The following TIAM1 variants were observed in gnomAD, a reference collection of about 807,000 sequenced individuals.
The protein encoded by TIAM1 is TIAM Rac1 associated GEF 1.
TIAM1 carries 65 observed loss-of-function variants against 163.5 expected under a neutral mutation model. The observed-to-expected ratio is 0.40, with a 90% CI of 0.33 to 0.49. The LOEUF is 0.49. Ranked by LOEUF, TIAM1 falls within the 20% of genes least tolerant of loss-of-function variation. The pLI is 0.77. For synonymous variants in TIAM1, 833 were observed against 810.1 expected, an observed-to-expected ratio of 1.03 and a Z score of -0.48; for missense variants, 1,789 against 2,044.7, an observed-to-expected ratio of 0.87 and a Z score of 2.41.
At chr21:31,180,660 T>C (rs1305234846) in intron 15 of TIAM1, among the ~76,000 whole-genome samples, 1 of 152,250 alleles carries the variant, frequency 6.6e-6, no homozygotes, top group African/African-American at 2.4e-5. Context: ...TCTAACATAA[T>C]ATGTCTCATT....
rs953262477 is a variant in TIAM1 at position 31,119,526 on chromosome 21, G to A, written c.*842C>T. 2.0e-5 allele frequency: 3 copies of A among 152,090 alleles called. No individual in the cohort carries two copies. The highest frequency in any genetic ancestry group is 1.3e-4 in the Admixed American group (2 of 15,248). The allele number at this position is 152,090 out of a possible 1,614,324, so 9.4% of individuals were successfully genotyped here. A position where few individuals can be genotyped will look rare whatever the true frequency, so the allele number is the denominator to read the frequency against. Reference sequence around the variant, plus strand: ...AGTATATCCTTCGCATGAGCTTGCTGGCCTTTCATATATAAATATAAAACC... The same window carrying A: ...AGTATATCCTTCGCATGAGCTTGCTAGCCTTTCATATATAAATATAAAACC... On this transcript the variant is annotated 3_prime_UTR_variant, in exon 28 of 28. Transcript: ENST00000541036.
intron 2 of TIAM1, among the ~76,000 whole-genome samples, chr21:31,448,734 A>T (rs1029221943): frequency 1.3e-5 from 2 of 151,938 alleles, no homozygotes; most frequent in Non-Finnish European, 2.9e-5. Flanking sequence ...CTTCCCTGTC[A>T]CTCAAGACTC....
At chr21:31,387,552 A>G (rs2076896301) in intron 2 of TIAM1, among the ~76,000 whole-genome samples, 1 of 151,884 alleles carries the variant, frequency 6.6e-6, no homozygotes, top group African/African-American at 2.4e-5. Flanking sequence ...GATGGTGTGC[A>G]GGGACACTGT....
At chr21:31,176,407 GA>G (rs1251448962) in intron 15 of TIAM1, among the ~76,000 whole-genome samples, 1 of 151,610 alleles carries the variant, frequency 6.6e-6, no homozygotes, top group Non-Finnish European at 1.5e-5. Flanking sequence ...CAATATGTAT[GA>G]AAACAAATGC....
intron 4 of TIAM1, among the ~76,000 whole-genome samples, chr21:31,264,834 C>T (rs970846245): frequency 6.6e-6 from 1 of 152,204 alleles, no homozygotes; most frequent in Non-Finnish European, 1.5e-5. Context: ...GCTGGTCAAC[C>T]TTGAGGCTGC....
At chr21:31,223,313 G>T (rs1279089899) in intron 8 of TIAM1, 93 bp downstream of exon 8, 2 of 1,377,900 alleles carry the variant, frequency 1.5e-6, no homozygotes, top group Non-Finnish European at 2.0e-6. Context: ...ACAGCAGGAA[G>T]CTCGAAAAAC....
intron 4 of TIAM1, among the ~76,000 whole-genome samples, chr21:31,264,574 C>T (rs775552519): frequency 2.0e-5 from 3 of 152,226 alleles, no homozygotes; most frequent in Non-Finnish European, 4.4e-5. Flanking sequence ...GGTAAGAAGA[C>T]GTGGAGCCAA....
chr21:31,512,094 T>G (rs1296146501), intron 1 of TIAM1, among the ~76,000 whole-genome samples: 1 of 152,120 alleles, frequency 6.6e-6, no homozygotes, highest in Non-Finnish European at 1.5e-5. Context: ...CAATTTATTT[T>G]ATTTGTTTAT....
In TIAM1 at chr21:31,160,014, C is replaced by T. The variant is rs2083828475; in HGVS notation, c.2991+4948G>A. On this transcript the variant is annotated intron_variant, in intron 16 of 27. Coordinates refer to ENST00000541036, the MANE Select transcript of TIAM1 (RefSeq NM_001353694.2). ...TATAAAAGGAAACAAGTTGAACATC[C>T]TATTTCCAGACCTCCCTGCCGATCA... Among the ~76,000 whole-genome samples the T allele has an allele frequency of 2.0e-5, 3 of 152,148 alleles. No individual in the cohort carries two copies. The South Asian group carries it at 6.2e-4, about 32-fold the overall frequency.
chr21:31,215,477 C>T lies in TIAM1; in HGVS notation c.2143-2005G>A, dbSNP rs1013447217. ...TCAGGAGGTTGAGGCAAGAGAATCA[C>T]TTGAACCCAGGAGGCGGAGATTGCA... On this transcript the variant is annotated intron_variant, in intron 9 of 27. Transcript: ENST00000541036. Among the ~76,000 whole-genome samples the T allele has an allele frequency of 4.0e-5, 6 of 148,544 alleles. No individual in the cohort carries two copies. The Admixed American group carries it at 4.1e-4, about 10-fold the overall frequency.
At chr21:31,177,860 C>G (rs948741667) in intron 15 of TIAM1, among the ~76,000 whole-genome samples, 1 of 152,184 alleles carries the variant, frequency 6.6e-6, no homozygotes, top group African/African-American at 2.4e-5. Context: ...CCTCCAGCAG[C>G]CAGGTAGCAG....
rs188471920 is a variant in TIAM1, at chr21:31,506,339, C to T, written c.-421-42304G>A. Among the ~76,000 whole-genome samples, 58 of 151,672 alleles carry T rather than the reference C, an allele frequency of 3.8e-4. 2 individuals carry two copies. Among genetic ancestry groups the T allele is most frequent in the South Asian group, 2.9e-3 (14 of 4,792 alleles). On this transcript the variant is annotated intron_variant, in intron 1 of 28. Transcript: ENST00000286827. ...ATCTTTTTTTAAGGTATAAGAAATA[C>T]ATATACCATAACATCTATCATCTTA...
chr21:31,285,235 G>T (rs536491346), intron 2 of TIAM1, among the ~76,000 whole-genome samples: 3 of 152,284 alleles, frequency 2.0e-5, no homozygotes, highest in African/African-American at 7.2e-5. Flanking sequence ...ACACAGAGGG[G>T]TGTGGCCACT....
intron 1 of TIAM1, among the ~76,000 whole-genome samples, chr21:31,488,596 A>T (rs2046352555): frequency 6.6e-6 from 1 of 152,230 alleles, no homozygotes; most frequent in Non-Finnish European, 1.5e-5. Flanking sequence ...CGGAAGGTGA[A>T]GGAGGAGCAA....
At chr21:31,511,143 G>T (rs769211389) in intron 1 of TIAM1, among the ~76,000 whole-genome samples, 1 of 152,184 alleles carries the variant, frequency 6.6e-6, no homozygotes, top group Non-Finnish European at 1.5e-5. Context: ...CTGAGTCTGG[G>T]CTTGTGCCCT....
chr21:31,445,678 G>A (rs1326277377), intron 2 of TIAM1, among the ~76,000 whole-genome samples: 1 of 152,148 alleles, frequency 6.6e-6, no homozygotes, highest in African/African-American at 2.4e-5. Flanking sequence ...AGGAGACCCA[G>A]GAGATCCCCA....
chr21:31,222,686 T>C (rs1466849054), intron 8 of TIAM1, among the ~76,000 whole-genome samples: 13 of 33,668 alleles, frequency 3.9e-4, no homozygotes, highest in East Asian at 1.0e-3. Flanking sequence ...CATATATATA[T>C]ATATATATAT....
At position 31,511,142 on chromosome 21, in the gene TIAM1, G is replaced by T. The variant is rs796077753; in HGVS notation, c.-421-47107C>A. On this transcript the variant is annotated intron_variant, in intron 1 of 28. Transcript: ENST00000286827. The stretch of plus-strand genomic sequence containing the variant: ...CAATGCCGCGGGCACCCTGAGTCTG[G>T]GCTTGTGCCCTGCAGAACAACGAGA... Among the ~76,000 whole-genome samples, 16 of 152,264 alleles carry T rather than the reference G, an allele frequency of 1.1e-4. No homozygotes were observed. The East Asian group carries it at 2.3e-3, about 22-fold the overall frequency.
chr21:31,260,440 T>C (rs1278095247), intron 4 of TIAM1, among the ~76,000 whole-genome samples: 3 of 151,470 alleles, frequency 2.0e-5, no homozygotes, highest in African/African-American at 4.8e-5. Context: ...GGTTTCACCA[T>C]GTAGGCAAGG....
Sources: allele counts gnomAD v4.1 joint callset (sites outside exome capture counted in the v4.1 genomes callset), GRCh38; gene constraint gnomAD v4.1.1; transcripts MANE v1.5; gene names NCBI Gene and HGNC (gene_info 2026-07-23, HGNC 2026-07-21).